Variants in SPTBN1 observed in about 807,000 individuals in gnomAD.
The protein encoded by SPTBN1 is spectrin beta chain, non-erythrocytic 1.
SPTBN1 carries 32 observed loss-of-function variants against 266.4 expected under a neutral mutation model. The observed-to-expected ratio is 0.12, with a 90% confidence interval of 0.09 to 0.16. The LOEUF (loss-of-function observed/expected upper bound fraction) is 0.16, where lower values mean the gene tolerates loss of function less well. Among genes scored for constraint, SPTBN1 ranks in the 10% least tolerant of loss-of-function variants. The pLI is 1.00. For synonymous variants in SPTBN1, 1,336 were observed against 1,162.2 expected, an observed-to-expected ratio of 1.15 and a Z score of -3.04; for missense variants, 2,296 against 3,067.1, an observed-to-expected ratio of 0.75 and a Z score of 5.94.
At chr2:54,461,934 T>A (rs1282345187) in intron 1 of SPTBN1, among the ~76,000 whole-genome samples, 1 of 152,212 alleles carries the variant, frequency 6.6e-6, no homozygotes, top group East Asian at 1.9e-4. Context: ...TTTTGTCCTT[T>A]AAAGTTTGTG....
In SPTBN1 at chr2:54,649,264, C is replaced by T; in HGVS notation, c.5202+74C>T. 1 of 1,465,494 alleles carries T rather than the reference C, an allele frequency of 6.8e-7. No individual in the cohort carries two copies. Among genetic ancestry groups the T allele is most frequent in the Admixed American group, 2.1e-5 (1 of 48,536 alleles). 90.8% of individuals were successfully genotyped at this position (1,465,494 alleles called of 1,614,324 possible). A position where few individuals can be genotyped will look rare whatever the true frequency, so the allele number is the denominator to read the frequency against. On this transcript the variant is annotated intron_variant, in intron 25 of 35. Transcript: ENST00000356805. This position sits in a 1 kb window ranked among gnomAD's most constrained non-coding sequence, Gnocchi z 6.7. ...GTGGAAGGCCATTTGCATTCCTTGT[C>T]TGTGAGCAGATAAAATGCCCTGGAC...
At chr2:54,571,383 T>C (rs763106543) in intron 2 of SPTBN1, among the ~76,000 whole-genome samples, 33 of 152,164 alleles carry the variant, frequency 2.2e-4, no homozygotes, top group Admixed American at 3.9e-4. Context: ...AGGTATGTTA[T>C]AATTGTATTA....
chr2:54,544,524 T>C (rs1672123241), intron 2 of SPTBN1, among the ~76,000 whole-genome samples: 2 of 152,190 alleles, frequency 1.3e-5, no homozygotes, highest in South Asian at 2.1e-4. Flanking sequence ...GAGAATCAGA[T>C]ACTTTTACAG....
chr2:54,670,518 A>C lies in SPTBN1; in HGVS notation c.*1949A>C, dbSNP rs1374324649. 2 of 394,922 alleles carry C rather than the reference A, an allele frequency of 5.1e-6. No homozygotes were observed. The highest frequency in any genetic ancestry group is 4.1e-5 in the African/African-American group (2 of 48,584). The allele number at this position is 394,922 out of a possible 1,614,324, so 24.5% of individuals were successfully genotyped here. ...CTCACCATCCTCTCCCCTGCTTCCC[A>C]CGACAGTCCTTTGCCCTTGCCATGC... On this transcript the variant is annotated 3_prime_UTR_variant, in exon 36 of 36. Coordinates refer to ENST00000356805, the MANE Select transcript of SPTBN1 (RefSeq NM_003128.3).
chr2:54,468,408 T>A (rs1693749931), intron 1 of SPTBN1, among the ~76,000 whole-genome samples: 1 of 152,176 alleles, frequency 6.6e-6, no homozygotes, highest in Non-Finnish European at 1.5e-5. Flanking sequence ...AGCCTTTTTT[T>A]TCTGTGCATG....
chr2:54,601,577 G>A (rs1291988627), intron 3 of SPTBN1, among the ~76,000 whole-genome samples: 1 of 152,194 alleles, frequency 6.6e-6, no homozygotes, highest in East Asian at 1.9e-4. Flanking sequence ...CCAGCTAAGT[G>A]TGTCATCAGA....
chr2:54,601,981 G>A (rs1260543861), intron 3 of SPTBN1, among the ~76,000 whole-genome samples: 5 of 152,172 alleles, frequency 3.3e-5, no homozygotes, highest in Admixed American at 3.3e-4. Flanking sequence ...AACATCACAA[G>A]GCAGAGATCT....
chr2:54,510,201 T>A (rs1162691903), intron 1 of SPTBN1, among the ~76,000 whole-genome samples: 1 of 152,116 alleles, frequency 6.6e-6, no homozygotes, highest in Non-Finnish European at 1.5e-5. Context: ...TCAGGTGATC[T>A]GCCCAAAGTG....
chr2:54,643,982 CAAT>C (rs56299899), intron 19 of SPTBN1, among the ~76,000 whole-genome samples: 76,729 of 149,508 alleles, frequency 0.51, 20,113 homozygotes, highest in African/African-American at 0.62. Flanking sequence ...AATATAATAA[CAAT>C]AATAATAATA....
At chr2:54,655,411 A>G (rs1408370784) in intron 28 of SPTBN1, among the ~76,000 whole-genome samples, 2 of 152,330 alleles carry the variant, frequency 1.3e-5, no homozygotes, top group South Asian at 2.1e-4. Flanking sequence ...GGCACAGAAG[A>G]CAATTTTTGA....
chr2:54,533,870 G>C lies in SPTBN1; in HGVS notation c.148+7304G>C, dbSNP rs1671420211. 6.6e-6 allele frequency among the ~76,000 whole-genome samples: 1 copy of C among 151,124 alleles called. No individual in the cohort carries two copies. On this transcript the variant is annotated intron_variant, in intron 2 of 35. Transcript: ENST00000356805. This position sits in a 1 kb window ranked among gnomAD's most constrained non-coding sequence, Gnocchi z 4.2. ...CCGGCCTGCTGTAGTAATTTAGGGG[G>C]AAAGATTGATCTCTCTCTCTGTCTC...
At chr2:54,517,146 A>G (rs967252669) in intron 1 of SPTBN1, among the ~76,000 whole-genome samples, 1 of 151,902 alleles carries the variant, frequency 6.6e-6, no homozygotes, top group Non-Finnish European at 1.5e-5. Context: ...ATAGTGAGGC[A>G]TGTCCATCCT....
intron 16 of SPTBN1, 138 bp downstream of exon 16, chr2:54,631,749 C>T (rs35619551): frequency 0.15 from 172,810 of 1,121,676 alleles, 13,848 homozygotes; most frequent in Non-Finnish European, 0.17. Flanking sequence ...ATTTTTTTTT[C>T]CCCATACTCT....
intron 27 of SPTBN1, among the ~76,000 whole-genome samples, chr2:54,654,655 C>T (rs1023707566): frequency 6.6e-6 from 1 of 152,154 alleles, no homozygotes; most frequent in Non-Finnish European, 1.5e-5. Context: ...TTTGATATGG[C>T]CATCCTGAAT....
At chr2:54,659,730 C>T (rs562162170) in intron 31 of SPTBN1, among the ~76,000 whole-genome samples, 1 of 152,106 alleles carries the variant, frequency 6.6e-6, no homozygotes, top group Non-Finnish European at 1.5e-5. Context: ...TGTGGTGGAG[C>T]GGGGCATAGG....
At chr2:54,610,260 C>A (rs1036355101) in intron 3 of SPTBN1, among the ~76,000 whole-genome samples, 8 of 152,204 alleles carry the variant, frequency 5.3e-5, no homozygotes, top group Admixed American at 5.2e-4. Flanking sequence ...AATAGTCATG[C>A]CATCCTTTGC....
rs374226634 is a variant in SPTBN1, at chr2:54,641,661, C to A, written c.3859-1322C>A. On this transcript the variant is annotated intron_variant, in intron 18 of 35. Coordinates refer to ENST00000356805, the MANE Select transcript of SPTBN1 (RefSeq NM_003128.3). ...AAATCTCACTACCTTTTGCTTTTAA[C>A]CCCCTCCCACCCCCGCCCCCTGCCC... Among the ~76,000 whole-genome samples, 61 of 151,664 alleles carry A rather than the reference C, an allele frequency of 4.0e-4. 1 individual carries two copies. In the South Asian group the frequency reaches 0.012, roughly 31 times the overall value.
At chr2:54,583,958 A>C (rs1457256157) in intron 2 of SPTBN1, among the ~76,000 whole-genome samples, 2 of 152,254 alleles carry the variant, frequency 1.3e-5, no homozygotes, top group African/African-American at 4.8e-5. Flanking sequence ...CTCCTAAAAA[A>C]ACAAAAACAG....
Position 54,558,510 on chromosome 2 carries a change from C to T in SPTBN1, c.148+31944C>T. ...GCCTCCTCTCTGCTTCTCCCTCCTCCTCAGTAATTTATTTCGAGCTTCCAG... is the reference window on the plus strand; with the variant it reads ...GCCTCCTCTCTGCTTCTCCCTCCTCTTCAGTAATTTATTTCGAGCTTCCAG... On this transcript the variant is annotated intron_variant, in intron 2 of 35. Coordinates refer to ENST00000356805, the MANE Select transcript of SPTBN1 (RefSeq NM_003128.3). This position sits in a 1 kb window ranked among gnomAD's most constrained non-coding sequence, Gnocchi z 4.6. 8.2e-7 allele frequency: 1 copy of T among 1,220,236 alleles called. No homozygotes were observed. The highest frequency in any genetic ancestry group is 1.0e-6 in the Non-Finnish European group (1 of 976,154). The allele number at this position is 1,220,236 out of a possible 1,614,324, so 75.6% of individuals were successfully genotyped here.
Sources: gnomAD v4.1 joint callset for allele counts (sites outside exome capture counted in the v4.1 genomes callset) on GRCh38, gnomAD v4.1.1 for gene constraint, Gnocchi (gnomAD v3.1) non-coding constraint, MANE v1.5 for transcripts, NCBI Gene and HGNC (gene_info 2026-07-23, HGNC 2026-07-21) for gene names.